PTPRG: variants seen among roughly 807,000 people sequenced by gnomAD.
PTPRG encodes receptor-type tyrosine-protein phosphatase gamma.
In PTPRG, 102 loss-of-function variants were observed where a neutral mutation model predicts 165.3. That is an observed-to-expected ratio of 0.62 (90% CI 0.53 to 0.73). PTPRG has a LOEUF of 0.73. PTPRG is among the 30% of genes least tolerant of loss of function. The pLI, the probability that PTPRG is intolerant of heterozygous loss-of-function variation, is 0.00. For missense variants in PTPRG, 1,866 were observed against 1,861.4 expected (o/e 1.00, Z -0.05); for synonymous variants, 675 against 669.5 (o/e 1.01, Z -0.13).
chr3:61,726,776 G>A (rs879828020), intron 1 of PTPRG, among the ~76,000 whole-genome samples: 4 of 152,136 alleles, frequency 2.6e-5, no homozygotes, highest in Non-Finnish European at 5.9e-5. Context: ...GGCCGGGTGC[G>A]GTGGCTCACG....
At chr3:61,743,073 C>G (rs1445732212) in intron 1 of PTPRG, 3 of 1,591,616 alleles carry the variant, frequency 1.9e-6, no homozygotes, top group Non-Finnish European at 2.6e-6. Flanking sequence ...CCCGCACCGC[C>G]TCGTACAGGG....
At chr3:62,094,088 A>T in intron 5 of PTPRG, among the ~76,000 whole-genome samples, 1 of 152,210 alleles carries the variant, frequency 6.6e-6, no homozygotes, top group Non-Finnish European at 1.5e-5. Flanking sequence ...TCTATCCCCA[A>T]CTGACAAATG....
chr3:61,906,042 T>A (rs760312832), intron 2 of PTPRG, among the ~76,000 whole-genome samples: 1 of 152,154 alleles, frequency 6.6e-6, no homozygotes, highest in Non-Finnish European at 1.5e-5. Context: ...ATATTTTAGG[T>A]TTTTTTAGCT....
intron 4 of PTPRG, among the ~76,000 whole-genome samples, chr3:62,042,490 C>T (rs1303611688): frequency 6.6e-6 from 1 of 152,090 alleles, no homozygotes; most frequent in Non-Finnish European, 1.5e-5. Flanking sequence ...CAGGTCTCAC[C>T]TTTTCTTTCT....
At chr3:61,715,183 G>GC (rs1553654137) in intron 1 of PTPRG, among the ~76,000 whole-genome samples, 1 of 141,484 alleles carries the variant, frequency 7.1e-6, no homozygotes, top group Non-Finnish European at 1.5e-5. Flanking sequence ...TTTTTTCTTT[G>GC]TTTTTTTTTT....
intron 1 of PTPRG, among the ~76,000 whole-genome samples, chr3:61,728,641 A>T (rs1389834307): frequency 6.6e-6 from 1 of 151,926 alleles, no homozygotes; most frequent in Admixed American, 6.6e-5. Flanking sequence ...CACACACAGT[A>T]AGTTTTCAAT....
chr3:61,725,187 G>C (rs1290616398), intron 1 of PTPRG, among the ~76,000 whole-genome samples: 2 of 151,364 alleles, frequency 1.3e-5, no homozygotes, highest in Non-Finnish European at 2.9e-5. Context: ...CTTTTTTTTG[G>C]GACAGAATCT....
chr3:62,012,311 T>C (rs980245561), intron 4 of PTPRG, among the ~76,000 whole-genome samples: 1 of 152,200 alleles, frequency 6.6e-6, no homozygotes, highest in Non-Finnish European at 1.5e-5. Context: ...TTTTATTAGG[T>C]AAGTAATTCT....
At chr3:61,656,776 C>G (rs1031992168) in intron 1 of PTPRG, among the ~76,000 whole-genome samples, 7 of 152,188 alleles carry the variant, frequency 4.6e-5, no homozygotes, top group African/African-American at 1.4e-4. Context: ...TCTGGACTCA[C>G]ATCCTTTAGT....
Position 62,124,270 on chromosome 3 carries a change from C to G in PTPRG, c.616-8332C>G. On this transcript the variant is annotated intron_variant, in intron 5 of 29. Coordinates refer to ENST00000474889, the MANE Select transcript of PTPRG (RefSeq NM_002841.4). The stretch of plus-strand genomic sequence containing the variant: ...AAGGGAATTCAGAAGCCTGCAAGGA[C>G]AGGATGCTGATGTCCGTGTTGAGGG... 4 of 1,495,230 alleles carry G rather than the reference C, an allele frequency of 2.7e-6. No homozygotes were observed. The South Asian group carries it at 4.5e-5, about 17-fold the overall frequency. The allele number at this position is 1,495,230 out of a possible 1,614,324, so 92.6% of individuals were successfully genotyped here.
chr3:61,672,455 C>T (rs1263677497), intron 1 of PTPRG, among the ~76,000 whole-genome samples: 3,245 of 137,432 alleles, frequency 0.024, 94 homozygotes, highest in African/African-American at 0.074. Context: ...AATGAGACTC[C>T]GTCTGCAATC....
intron 1 of PTPRG, among the ~76,000 whole-genome samples, chr3:61,599,714 G>T (rs998678217): frequency 6.6e-6 from 1 of 151,126 alleles, no homozygotes; most frequent in Non-Finnish European, 1.5e-5. Flanking sequence ...GGCTGGTCTT[G>T]AACTCCTGGA....
At chr3:61,591,117 A>T (rs562567447) in intron 1 of PTPRG, among the ~76,000 whole-genome samples, 125 of 152,378 alleles carry the variant, frequency 8.2e-4, no homozygotes, top group Admixed American at 8.2e-3. Flanking sequence ...GTAATTAGGC[A>T]TTCTCCTGCT....
At chr3:61,902,562 A>G (rs763331741) in intron 2 of PTPRG, among the ~76,000 whole-genome samples, 2 of 152,182 alleles carry the variant, frequency 1.3e-5, no homozygotes, top group Non-Finnish European at 2.9e-5. Flanking sequence ...CATCAATAAT[A>G]GTATCTGTCC....
intron 1 of PTPRG, among the ~76,000 whole-genome samples, chr3:61,640,495 C>T (rs548378556): frequency 6.6e-6 from 1 of 152,252 alleles, no homozygotes; most frequent in South Asian, 2.1e-4. Flanking sequence ...GTGCTTTTTG[C>T]ACATTACCAT....
chr3:62,215,397 C>T (rs570604028), intron 12 of PTPRG, among the ~76,000 whole-genome samples: 205 of 152,218 alleles, frequency 1.3e-3, no homozygotes, highest in Non-Finnish European at 2.1e-3. Context: ...TGCCATTAGT[C>T]AAGGTCAGAG....
chr3:62,039,795 A>C (rs1265430196), intron 4 of PTPRG, among the ~76,000 whole-genome samples: 3 of 151,884 alleles, frequency 2.0e-5, no homozygotes, highest in South Asian at 4.2e-4. Context: ...AGCTGTAAAC[A>C]CTTGGCGCCT....
At chr3:61,760,837 A>T (rs1437928786) in intron 2 of PTPRG, among the ~76,000 whole-genome samples, 1 of 152,170 alleles carries the variant, frequency 6.6e-6, no homozygotes, top group Non-Finnish European at 1.5e-5. Flanking sequence ...TTAAGTAAGA[A>T]CATGCAGTGT....
At chr3:61,822,906 G>A (rs1267459468) in intron 2 of PTPRG, among the ~76,000 whole-genome samples, 1 of 152,116 alleles carries the variant, frequency 6.6e-6, no homozygotes, top group Admixed American at 6.5e-5. Context: ...AGACTGATTC[G>A]TTACATGGCC....
Sources: gnomAD v4.1 joint callset for allele counts (sites outside exome capture counted in the v4.1 genomes callset) on GRCh38, gnomAD v4.1.1 for gene constraint, MANE v1.5 for transcripts, NCBI Gene and HGNC (gene_info 2026-07-23, HGNC 2026-07-21) for gene names.